The following RAPH1 variants were observed in gnomAD, a reference collection of about 807,000 sequenced individuals.
The protein encoded by RAPH1 is ras-associated and pleckstrin homology domains-containing protein 1.
In RAPH1, 18 loss-of-function variants were observed where a neutral mutation model predicts 88.1. That is an observed-to-expected ratio of 0.20 (90% confidence interval 0.14 to 0.30). The LOEUF (loss-of-function observed/expected upper bound fraction) is 0.30, where lower values mean the gene tolerates loss of function less well. RAPH1 is among the 10% of genes least tolerant of loss of function. The pLI is 1.00. For synonymous variants in RAPH1, 587 were observed against 559.0 expected, an observed-to-expected ratio of 1.05 and a Z score of -0.71; for missense variants, 1,448 against 1,543.2, an observed-to-expected ratio of 0.94 and a Z score of 1.03.
chr2:203,440,731 G>A lies in RAPH1; in HGVS notation c.2459C>T (p.Pro820Leu). Reference sequence around the variant, plus strand: ...GGGAGAGGGTGGAATGTAAGAAGCAGGGAAAGCTGGCTGCTTTTTTGCTGG... The same window carrying A: ...GGGAGAGGGTGGAATGTAAGAAGCAAGGAAAGCTGGCTGCTTTTTTGCTGG... Reference protein sequence around the residue: ...VPPAKKQPAFPASYIPPSPPT... With the variant: ...VPPAKKQPAFLASYIPPSPPT... The change falls in exon 14 of 14, where the codon CCT becomes CTT. Residue 820 changes from proline to leucine, a missense_variant. Around this residue, in one of 2 missense-constraint regions of RAPH1, gnomAD observed 935 missense variants for 890.1 expected, o/e 1.05. Coordinates refer to ENST00000319170, the MANE Select transcript of RAPH1 (RefSeq NM_213589.3). 1 of 1,609,974 alleles carries A rather than the reference G, an allele frequency of 6.2e-7. No individual in the cohort carries two copies. Among genetic ancestry groups the A allele is most frequent in the Middle Eastern group, 1.7e-4 (1 of 6,054 alleles).
At chr2:203,477,224 G>A in intron 4 of RAPH1, 1 of 1,140,006 alleles carries the variant, frequency 8.8e-7, no homozygotes, top group Non-Finnish European at 1.3e-6. Context: ...TCATTACCAT[G>A]CAGGAAGAGA....
intron 4 of RAPH1, among the ~76,000 whole-genome samples, chr2:203,471,885 A>G (rs2098533458): frequency 1.3e-5 from 2 of 151,986 alleles, no homozygotes; most frequent in African/African-American, 4.8e-5. Flanking sequence ...TAGCACTAAC[A>G]AAGTCAAACA....
chr2:203,440,500 G>A lies in RAPH1; in HGVS notation c.2690C>T (p.Ala897Val), dbSNP rs2098502572. The A allele has an allele frequency of 2.6e-6, 4 of 1,531,626 alleles. 1 individual carries two copies. The South Asian group carries it at 5.1e-5, about 20-fold the overall frequency. 94.9% of individuals were successfully genotyped at this position (1,531,626 alleles called of 1,614,324 possible). ...PANVAPQSPP[A>V]VKAKPKWQPS... The stretch of plus-strand genomic sequence containing the variant: ...CTGCCACTTGGGCTTTGCTTTTACT[G>A]CAGGAGGGGACTGTGGAGCTACATT... Residue 897 changes from alanine (A) to valine (V), a missense_variant, in exon 14 of 14, where the codon GCA becomes GTA. Ala to Val is a moderately conservative substitution (Grantham distance 64). Transcript: ENST00000319170.
chr2:203,531,946 T>C (rs1401740572), intron 1 of RAPH1, among the ~76,000 whole-genome samples: 1 of 152,158 alleles, frequency 6.6e-6, no homozygotes, highest in Non-Finnish European at 1.5e-5. Flanking sequence ...TGTATACCAA[T>C]ACTCAAGGCA....
chr2:203,470,994 A>G (rs1040331646), intron 4 of RAPH1, among the ~76,000 whole-genome samples: 1 of 152,190 alleles, frequency 6.6e-6, no homozygotes, highest in Non-Finnish European at 1.5e-5. Flanking sequence ...AATTCAAGTA[A>G]CTGTTTTCGT....
Position 203,461,277 on chromosome 2 carries a change from C to T in RAPH1, c.942G>A (p.Leu314=). ...SHCGYSLDWS[L]VETVSELQME... is the part of the protein sequence containing the mutation. The stretch of plus-strand genomic sequence containing the variant: ...TTTGTAATTCAGAAACGGTTTCTAC[C>T]AGTGACCAGTCTAAACTATAACCGC... The change falls in exon 6 of 14, where the codon CTG becomes CTA. Residue 314 remains leucine, a synonymous_variant. Transcript: ENST00000319170. 6.3e-7 allele frequency: 1 copy of T among 1,593,130 alleles called. No individual in the cohort carries two copies. Among genetic ancestry groups the T allele is most frequent in the Non-Finnish European group, 8.6e-7 (1 of 1,169,158 alleles).
intron 1 of RAPH1, among the ~76,000 whole-genome samples, chr2:203,534,711 C>T (rs140521075): frequency 0.035 from 5,298 of 152,312 alleles, 132 homozygotes; most frequent in Non-Finnish European, 0.053. Context: ...ACCCAAGCAA[C>T]CCGACATCCA....
chr2:203,491,841 T>C (rs147151016), intron 2 of RAPH1, among the ~76,000 whole-genome samples: 72 of 152,330 alleles, frequency 4.7e-4, no homozygotes, highest in African/African-American at 1.7e-3. Flanking sequence ...GAGATTGTCA[T>C]AGTTCAGAGT....
Position 203,491,186 on chromosome 2 carries a change from T to C in RAPH1, c.226+28A>G, listed in dbSNP as rs754315611. ...ACATTGTGTGACTTAGCATACTATT[T>C]TACATTTTATTTCCAATTACATCTT... On this transcript the variant is annotated intron_variant, in intron 3 of 13. Coordinates refer to ENST00000319170, the MANE Select transcript of RAPH1 (RefSeq NM_213589.3). The C allele has an allele frequency of 4.7e-6, 7 of 1,475,512 alleles. No individual in the cohort carries two copies. The Admixed American group carries it at 6.7e-5, about 14-fold the overall frequency. 91.4% of individuals were successfully genotyped at this position (1,475,512 alleles called of 1,614,324 possible).
chr2:203,460,734 TG>T (rs2153641339), intron 6 of RAPH1, among the ~76,000 whole-genome samples: 1 of 152,124 alleles, frequency 6.6e-6, no homozygotes, highest in South Asian at 2.1e-4. Flanking sequence ...GAATTGGAAA[TG>T]ATCTTGTATT....
Position 203,439,970 on chromosome 2 carries a change from G to A in RAPH1, c.3220C>T (p.Pro1074Ser). 6.2e-7 allele frequency: 1 copy of A among 1,613,804 alleles called. No homozygotes were observed. Among genetic ancestry groups the A allele is most frequent in the East Asian group, 2.2e-5 (1 of 44,876 alleles). The change falls in exon 14 of 14, where the codon CCA becomes TCA. Residue 1074 changes from proline to serine, a missense_variant. Pro to Ser is a moderately conservative substitution (Grantham distance 74). Around this residue, in one of 2 missense-constraint regions of RAPH1, gnomAD observed 935 missense variants for 890.1 expected, o/e 1.05. Coordinates refer to ENST00000319170, the MANE Select transcript of RAPH1 (RefSeq NM_213589.3). ...FPSPPSDSDF[P>S]PPPPETELPL... ...AGCTCTGTTTCAGGTGGAGGGGGTG[G>A]AAAATCAGAATCGGATGGAGGAGAA...
chr2:203,491,254 C>T lies in RAPH1; in HGVS notation c.186G>A (p.Met62Ile), dbSNP rs139109706. 226 of 1,613,272 alleles carry T rather than the reference C, an allele frequency of 1.4e-4. 1 individual carries two copies. The African/African-American group carries it at 2.5e-3, about 18-fold the overall frequency. ...TGGAGAAGCGGTAAGAAAAGTTGGC[C>T]ATGTTTGTTTCCTGGCGAAGAGGAG... ...KRSPLRQETNMANFSYRFSIY... is the reference protein window; with the variant it reads ...KRSPLRQETNIANFSYRFSIY... The change falls in exon 3 of 14, where the codon ATG becomes ATA. Residue 62 changes from methionine to isoleucine, a missense_variant. Coordinates refer to ENST00000319170, the MANE Select transcript of RAPH1 (RefSeq NM_213589.3).
chr2:203,475,964 T>C (rs1442297287), intron 4 of RAPH1, among the ~76,000 whole-genome samples: 1 of 152,148 alleles, frequency 6.6e-6, no homozygotes, highest in African/African-American at 2.4e-5. Flanking sequence ...AAAAAGTAGG[T>C]ATGTAAGTAG....
intron 4 of RAPH1, among the ~76,000 whole-genome samples, chr2:203,487,866 C>G (rs72926472): frequency 3.3e-5 from 5 of 151,966 alleles, no homozygotes; most frequent in Non-Finnish European, 7.4e-5. Flanking sequence ...AACAAAGCTA[C>G]GCACATGGGT....
intron 4 of RAPH1, among the ~76,000 whole-genome samples, chr2:203,467,027 G>T (rs2098529067): frequency 6.6e-6 from 1 of 152,080 alleles, no homozygotes; most frequent in Admixed American, 6.5e-5. Flanking sequence ...ATTCCTTCAG[G>T]ATCTAGTTTA....
At position 203,440,237 on chromosome 2, in the gene RAPH1, T is replaced by C. The variant is rs1443978217; in HGVS notation, c.2953A>G (p.Ser985Gly). The C allele has an allele frequency of 3.2e-5, 52 of 1,614,026 alleles. No homozygotes were observed. Among genetic ancestry groups the C allele is most frequent in the Non-Finnish European group, 4.1e-5 (48 of 1,180,004 alleles). ...PQRNSSIKSS[S>G]GAEHPEPKRP... ...TTGGGCTCGGGGTGCTCTGCACCAC[T>C]GCTGGATTTAATGCTGGAGTTGCGC... The change falls in exon 14 of 14, where the codon AGT (serine) becomes GGT (glycine). Residue 985 changes from serine (S) to glycine (G), a missense_variant. Ser to Gly is a moderately conservative substitution (Grantham distance 56). This residue lies in a region of RAPH1 where 935 missense variants were observed against 890.1 expected (regional missense o/e 1.05). Transcript: ENST00000319170.
chr2:203,477,682 C>G (rs537450352), intron 4 of RAPH1, among the ~76,000 whole-genome samples: 2 of 152,134 alleles, frequency 1.3e-5, no homozygotes, highest in South Asian at 2.1e-4. Context: ...ATCCTCCCCT[C>G]GAATTCTAGA....
At position 203,447,945 on chromosome 2, in the gene RAPH1, G is replaced by A; in HGVS notation, c.1633+14C>T. 1 of 1,613,476 alleles carries A rather than the reference G, an allele frequency of 6.2e-7. No homozygotes were observed. Among genetic ancestry groups the A allele is most frequent in the Non-Finnish European group, 8.5e-7 (1 of 1,179,608 alleles). Reference sequence around the variant, plus strand: ...ATTAATCGCAAAATAGTGCTTTGAAGCATTTTGAACTACCTGGGATGCTGG... The same window carrying A: ...ATTAATCGCAAAATAGTGCTTTGAAACATTTTGAACTACCTGGGATGCTGG... On this transcript the variant is annotated intron_variant, in intron 12 of 13. Coordinates refer to ENST00000319170, the MANE Select transcript of RAPH1 (RefSeq NM_213589.3).
At chr2:203,527,317 T>C (rs1415478087) in intron 1 of RAPH1, among the ~76,000 whole-genome samples, 1 of 152,154 alleles carries the variant, frequency 6.6e-6, no homozygotes, top group Non-Finnish European at 1.5e-5. Context: ...TCACACACCA[T>C]ACAAAGTAAC....
Sources: allele counts gnomAD v4.1 joint callset (sites outside exome capture counted in the v4.1 genomes callset), GRCh38; gene constraint gnomAD v4.1.1; regional missense constraint gnomAD v4.1.1; transcripts MANE v1.5; gene names NCBI Gene and HGNC (gene_info 2026-07-23, HGNC 2026-07-21).